The following PROM1 variants were observed in gnomAD, a reference collection of about 807,000 sequenced individuals.
The protein encoded by PROM1 is prominin 1, also known as prominin-1.
A neutral mutation model predicts 116.9 loss-of-function variants in PROM1; 105 were observed. The ratio of observed to expected loss-of-function variants is 0.90; its 90% confidence interval spans 0.77 to 1.06. The LOEUF (loss-of-function observed/expected upper bound fraction) is 1.06. PROM1 is among the 50% of genes least tolerant of loss of function. The pLI, the probability that PROM1 is intolerant of heterozygous loss-of-function variation, is 0.00. For synonymous variants in PROM1, 393 were observed against 387.0 expected, an observed-to-expected ratio of 1.02 and a Z score of -0.18; for missense variants, 1,122 against 1,045.2, an observed-to-expected ratio of 1.07 and a Z score of -1.01.
chr4:16,033,998 A>G (rs1733407987), intron 4 of PROM1, among the ~76,000 whole-genome samples: 1 of 152,130 alleles, frequency 6.6e-6, no homozygotes, highest in African/African-American at 2.4e-5. Context: ...TACATGGCCA[A>G]GTGGTTACTG....
intron 11 of PROM1, among the ~76,000 whole-genome samples, chr4:16,010,186 G>A (rs922933835): frequency 1.3e-5 from 2 of 152,142 alleles, no homozygotes; most frequent in Non-Finnish European, 2.9e-5. Flanking sequence ...TAAGTTCAAA[G>A]AAAACCAGTT....
At chr4:16,017,547 G>A (rs761746092) in intron 9 of PROM1, among the ~76,000 whole-genome samples, 15 of 152,340 alleles carry the variant, frequency 9.8e-5, no homozygotes, top group African/African-American at 2.6e-4. Context: ...GTGTCCGGGC[G>A]TGGTGGCTCA....
chr4:16,017,604 T>C (rs886326246), intron 9 of PROM1, among the ~76,000 whole-genome samples: 14 of 152,204 alleles, frequency 9.2e-5, no homozygotes, highest in Non-Finnish European at 1.3e-4. Flanking sequence ...GCAGATCACT[T>C]GAGGTCAGGA....
intron 23 of PROM1, 44 bp downstream of exon 23, chr4:15,984,219 G>A (rs1319248178): frequency 7.0e-7 from 1 of 1,429,224 alleles, no homozygotes. Context: ...AACAACCAAA[G>A]ATGATGGATT....
intron 11 of PROM1, among the ~76,000 whole-genome samples, chr4:16,011,905 C>T (rs1726965056): frequency 6.6e-6 from 1 of 152,188 alleles, no homozygotes; most frequent in Non-Finnish European, 1.5e-5. Flanking sequence ...AAACCACTTA[C>T]TCAACAGTTA....
intron 2 of PROM1, among the ~76,000 whole-genome samples, chr4:16,067,105 C>T (rs1741719081): frequency 6.6e-6 from 1 of 152,180 alleles, no homozygotes; most frequent in African/African-American, 2.4e-5. Context: ...CAAACCCACC[C>T]ACTCACAGGT....
chr4:16,023,106 C>T (rs1560509175), intron 8 of PROM1, among the ~76,000 whole-genome samples: 1 of 2,022 alleles, frequency 4.9e-4, no homozygotes, highest in African/African-American at 5.9e-4. Flanking sequence ...TAACAAATTC[C>T]GCCCTATCAT....
intron 27 of PROM1, 137 bp downstream of exon 27, chr4:15,970,906 T>C: frequency 3.1e-6 from 2 of 653,884 alleles, no homozygotes; most frequent in Admixed American, 2.5e-5. Flanking sequence ...ACTGGACATA[T>C]AAAATATCTT....
intron 2 of PROM1, among the ~76,000 whole-genome samples, chr4:16,060,056 T>C (rs1044028425): frequency 2.0e-5 from 3 of 152,140 alleles, no homozygotes; most frequent in African/African-American, 4.8e-5. Flanking sequence ...ATGCATAAAA[T>C]AGGTCTGAAG....
chr4:15,972,142 T>C (rs1033857321), intron 26 of PROM1, among the ~76,000 whole-genome samples: 1 of 152,108 alleles, frequency 6.6e-6, no homozygotes, highest in Non-Finnish European at 1.5e-5. Context: ...TCCTCCTGCC[T>C]AGCATTGCCT....
chr4:16,027,469 A>C (rs1242637761), intron 5 of PROM1, among the ~76,000 whole-genome samples: 2 of 152,096 alleles, frequency 1.3e-5, no homozygotes, highest in African/African-American at 4.8e-5. Context: ...TGCCCAGATT[A>C]TTTTATTCAC....
chr4:15,987,877 CTTTTT>C (rs56144936), intron 19 of PROM1, among the ~76,000 whole-genome samples, 161 bp from the exon 20 acceptor site: 8 of 132,370 alleles, frequency 6.0e-5, no homozygotes, highest in Non-Finnish European at 9.5e-5. Flanking sequence ...TGTGTACTTT[CTTTTT>C]TTTTTTTTTT....
At chr4:15,998,573 T>A in intron 14 of PROM1, 85 bp from the exon 15 acceptor site, 1 of 1,297,902 alleles carries the variant, frequency 7.7e-7, no homozygotes, top group Non-Finnish European at 9.9e-7. Context: ...TTCTGTTGAA[T>A]GTATTTTGGA....
intron 2 of PROM1, among the ~76,000 whole-genome samples, chr4:16,069,664 T>C (rs757491218): frequency 1.3e-5 from 2 of 152,146 alleles, no homozygotes; most frequent in Non-Finnish European, 2.9e-5. Context: ...TTGAGGAGAA[T>C]GTAAGAAATA....
chr4:16,010,001 A>C (rs1457103697), intron 11 of PROM1, among the ~76,000 whole-genome samples: 1 of 152,056 alleles, frequency 6.6e-6, no homozygotes, highest in Admixed American at 6.6e-5. Flanking sequence ...TTAAAAAACA[A>C]ACAAACAAAC....
At chr4:16,044,694 T>G (rs1364997522) in intron 2 of PROM1, among the ~76,000 whole-genome samples, 1 of 152,204 alleles carries the variant, frequency 6.6e-6, no homozygotes, top group Non-Finnish European at 1.5e-5. Flanking sequence ...GAAACTAGGT[T>G]TGTACATGCA....
At position 15,984,359 on chromosome 4, in the gene PROM1, G is replaced by A. The variant is rs758247152; in HGVS notation, c.2281-4C>T. On this transcript the variant is annotated splice_region_variant and splice_polypyrimidine_tract_variant and intron_variant, in intron 22 of 27. Coordinates refer to ENST00000447510, the MANE Select transcript of PROM1 (RefSeq NM_006017.3). ...ACGATGCCACTTTCTCACTGATCTA[G>A]GGGGGTGGAAACACAGGGAAACTTT... 14 of 1,561,432 alleles carry A rather than the reference G, an allele frequency of 9.0e-6. 1 individual carries two copies.
chr4:16,054,678 A>C (rs1381566027), intron 2 of PROM1, among the ~76,000 whole-genome samples: 5 of 152,232 alleles, frequency 3.3e-5, no homozygotes, highest in African/African-American at 9.6e-5. Flanking sequence ...TGCCCAATAC[A>C]TATTGAGCAA....
In PROM1 at chr4:16,018,386, A is replaced by G; in HGVS notation, c.939T>C (p.Ser313=). Residue 313 remains serine (S), a synonymous_variant, in exon 9 of 28, where the codon AGT becomes AGC. Coordinates refer to ENST00000447510, the MANE Select transcript of PROM1 (RefSeq NM_006017.3). ...NDPLCLVHPS[S]ETCNSIRLSL... ...ACAATCTGATGCTGTTGCAGGTTTC[A>G]CTTGATGGATGCACCAAGCACAGAG... 1.2e-6 allele frequency: 2 copies of G among 1,613,826 alleles called. No individual in the cohort carries two copies. The highest frequency in any genetic ancestry group is 1.7e-6 in the Non-Finnish European group (2 of 1,179,876).
Sources: allele counts gnomAD v4.1 joint callset (sites outside exome capture counted in the v4.1 genomes callset), GRCh38; gene constraint gnomAD v4.1.1; transcripts MANE v1.5; gene names NCBI Gene and HGNC (gene_info 2026-07-23, HGNC 2026-07-21).